LCORL: variants seen among roughly 807,000 people sequenced by gnomAD.
LCORL encodes ligand-dependent nuclear receptor corepressor-like protein.
LCORL carries 41 observed loss-of-function variants against 141.8 expected under a neutral mutation model. That is an observed-to-expected ratio of 0.29 (90% CI 0.23 to 0.38). LCORL has a LOEUF of 0.38. Ranked by LOEUF, LCORL falls within the 10% of genes least tolerant of loss-of-function variation. LCORL has a pLI of 1.00. For missense variants in LCORL, 1,759 were observed against 2,035.0 expected (o/e 0.86, Z 2.61); for synonymous variants, 618 against 694.1 (o/e 0.89, Z 1.72).
chr4:17,846,547 G>A (rs1019180418), intron 7 of LCORL, among the ~76,000 whole-genome samples: 6 of 152,032 alleles, frequency 3.9e-5, no homozygotes, highest in East Asian at 1.9e-4. Flanking sequence ...AGGAGCATGC[G>A]GCATCCACAG....
At chr4:17,893,553 G>A in intron 5 of LCORL, 1 of 985,232 alleles carries the variant, frequency 1.0e-6, no homozygotes, top group African/African-American at 1.7e-5. Context: ...TGGTTTGGAA[G>A]GACTGAACAC....
rs1265388989 is a variant in LCORL, at chr4:17,874,006, A to G, written c.4984T>C (p.Leu1662=). ...AAGTCACCCCTGATCTCAGGTGGCA[A>G]AACACACTGATTATCTACTATGCTT... The change falls in exon 7 of 8, where the codon TTG becomes CTG. Residue 1662 remains leucine (L), a synonymous_variant. Transcript: ENST00000635767. 4 of 1,234,042 alleles carry G rather than the reference A, an allele frequency of 3.2e-6. No individual in the cohort carries two copies. In the Admixed American group the frequency reaches 1.7e-4, roughly 52 times the overall value. The allele number at this position is 1,234,042 out of a possible 1,614,324, so 76.4% of individuals were successfully genotyped here. A position where few individuals can be genotyped will look rare whatever the true frequency, so the allele number is the denominator to read the frequency against.
At chr4:17,940,192 A>T (rs1278858715) in intron 4 of LCORL, among the ~76,000 whole-genome samples, 8 of 143,830 alleles carry the variant, frequency 5.6e-5, no homozygotes, top group African/African-American at 2.0e-4. Flanking sequence ...ATATATACAC[A>T]CACACACATA....
chr4:17,883,022 TA>T, intron 6 of LCORL: 1 of 976,152 alleles, frequency 1.0e-6, no homozygotes, highest in South Asian at 4.7e-5. Context: ...TGGGGTTAAC[TA>T]TGTGTCAGTT....
At chr4:18,015,215 A>C (rs927401696) in intron 1 of LCORL, among the ~76,000 whole-genome samples, 3 of 152,204 alleles carry the variant, frequency 2.0e-5, no homozygotes, top group African/African-American at 7.2e-5. Context: ...CATAACAGCA[A>C]TTTATCATGC....
At chr4:17,961,986 T>A in exon 4 of LCORL, 1 of 1,609,584 alleles carries the variant, frequency 6.2e-7, no homozygotes. Context: ...AGATGATAGC[T>A]CCTCTGTTGG....
rs191317165 is a variant in LCORL, at chr4:17,935,192, C to A, written c.431-25847G>T. Among the ~76,000 whole-genome samples, 70 of 152,256 alleles carry A rather than the reference C, an allele frequency of 4.6e-4. 1 individual carries two copies. The East Asian group carries it at 0.013, about 29-fold the overall frequency. ...TCTGGAGAGAAGACTAAAATGTGTT[C>A]TTGTTCTTCCAGATTTAGAATCCAA... On this transcript the variant is annotated intron_variant, in intron 4 of 7. Transcript: ENST00000635767.
rs1024095126 is a variant in LCORL, at chr4:17,876,253, C to T, written c.2737G>A (p.Val913Met). Reference sequence around the variant, plus strand: ...TCAAGTCTTTTGTTATTCAAATCCACTGTAGGCATGCAGTGACTATTGATA... The same window carrying T: ...TCAAGTCTTTTGTTATTCAAATCCATTGTAGGCATGCAGTGACTATTGATA... Residue 913 changes from valine (V) to methionine (M), a missense_variant, in exon 7 of 8, where the codon GTG (valine) becomes ATG (methionine). This residue lies in a region of LCORL where 1,311 missense variants were observed against 1,531.3 expected (regional missense o/e 0.86). Coordinates refer to ENST00000635767, the Ensembl canonical transcript of LCORL. 6 of 1,230,864 alleles carry T rather than the reference C, an allele frequency of 4.9e-6. No individual in the cohort carries two copies. The African/African-American group carries it at 6.2e-5, about 13-fold the overall frequency. 76.2% of individuals were successfully genotyped at this position (1,230,864 alleles called of 1,614,324 possible).
At chr4:17,988,157 A>G (rs1387487527) in intron 1 of LCORL, among the ~76,000 whole-genome samples, 1 of 152,156 alleles carries the variant, frequency 6.6e-6, no homozygotes, top group African/African-American at 2.4e-5. Context: ...TCCACGTAAG[A>G]TGTGACTTGC....
intron 5 of LCORL, among the ~76,000 whole-genome samples, chr4:17,889,130 T>C (rs1728712704): frequency 6.6e-6 from 1 of 152,078 alleles, no homozygotes. Flanking sequence ...AAAGGTTTCT[T>C]TTCTTTTTTT....
At chr4:17,890,901 CTG>C in intron 5 of LCORL, among the ~76,000 whole-genome samples, 1 of 152,132 alleles carries the variant, frequency 6.6e-6, no homozygotes, top group South Asian at 2.1e-4. Context: ...ATGCAAATTT[CTG>C]ATACAGGATC....
chr4:18,016,935 C>T (rs1253005526), intron 1 of LCORL, among the ~76,000 whole-genome samples: 1 of 152,066 alleles, frequency 6.6e-6, no homozygotes, highest in African/African-American at 2.4e-5. Flanking sequence ...AAAAACAGTC[C>T]TAAAACCTAC....
chr4:17,929,471 A>G (rs1735669085), intron 4 of LCORL, among the ~76,000 whole-genome samples: 1 of 152,214 alleles, frequency 6.6e-6, no homozygotes. Flanking sequence ...GCACTCATAT[A>G]CAGTTAATTT....
intron 7 of LCORL, among the ~76,000 whole-genome samples, chr4:17,863,727 A>G (rs970261618): frequency 6.6e-6 from 1 of 152,236 alleles, no homozygotes; most frequent in African/African-American, 2.4e-5. Context: ...TCATAATAGC[A>G]AAGACATGGA....
intron 5 of LCORL, among the ~76,000 whole-genome samples, chr4:17,897,877 G>A (rs1730238312): frequency 6.6e-6 from 1 of 152,252 alleles, no homozygotes. Context: ...CCTTTCAAAG[G>A]GAAATAATGT....
chr4:18,018,770 A>G (rs1172628042), intron 1 of LCORL, among the ~76,000 whole-genome samples: 1 of 152,180 alleles, frequency 6.6e-6, no homozygotes, highest in African/African-American at 2.4e-5. Flanking sequence ...CTCACTTAAA[A>G]TTAAGATGTT....
At chr4:17,876,508 C>T (rs1392183228) in exon 7 of LCORL, 71 of 1,230,694 alleles carry the variant, frequency 5.8e-5, no homozygotes, top group Non-Finnish European at 1.3e-5. Context: ...GAATTCATTG[C>T]AATTTTGTTT....
intron 1 of LCORL, among the ~76,000 whole-genome samples, chr4:17,996,289 T>C (rs558600128): frequency 6.6e-6 from 1 of 152,206 alleles, no homozygotes; most frequent in East Asian, 1.9e-4. Context: ...TATCATTTTA[T>C]GCAAATGTAG....
intron 1 of LCORL, among the ~76,000 whole-genome samples, chr4:17,993,156 C>G (rs1024719233): frequency 1.3e-5 from 2 of 152,166 alleles, no homozygotes; most frequent in Non-Finnish European, 2.9e-5. Flanking sequence ...CAGAAACATT[C>G]TGAATCTGTG....
Sources: gnomAD v4.1 joint callset for allele counts (sites outside exome capture counted in the v4.1 genomes callset) on GRCh38, gnomAD v4.1.1 for gene constraint, gnomAD v4.1.1 regional missense constraint, MANE v1.5 for transcripts, NCBI Gene and HGNC (gene_info 2026-07-23, HGNC 2026-07-21) for gene names.